The following AMOTL1 variants were observed in gnomAD, a reference collection of about 807,000 sequenced individuals.
AMOTL1 encodes the protein angiomotin like 1, also known as angiomotin-like protein 1.
A neutral mutation model predicts 102.9 loss-of-function variants in AMOTL1; 45 were observed. That is an observed-to-expected ratio of 0.44 (90% confidence interval 0.34 to 0.56). The LOEUF is 0.56. Ranked by LOEUF, AMOTL1 falls within the 20% of genes least tolerant of loss-of-function variation. The pLI, the probability that AMOTL1 is intolerant of heterozygous loss-of-function variation, is 0.01. For synonymous variants in AMOTL1, 481 were observed against 484.7 expected, an observed-to-expected ratio of 0.99 and a Z score of 0.10; for missense variants, 1,114 against 1,225.6, an observed-to-expected ratio of 0.91 and a Z score of 1.36.
intron 3 of AMOTL1, among the ~76,000 whole-genome samples, chr11:94,746,172 G>T (rs540920909): frequency 1.3e-5 from 2 of 152,196 alleles, no homozygotes; most frequent in South Asian, 4.1e-4. Flanking sequence ...AGAAAGGGGT[G>T]TGTCTCTGGA....
intron 6 of AMOTL1, among the ~76,000 whole-genome samples, chr11:94,836,760 CTTT>C (rs200404531): frequency 7.8e-5 from 11 of 140,800 alleles, no homozygotes; most frequent in Admixed American, 1.4e-4. Context: ...TTCCTTCCTT[CTTT>C]TTTTTTTTTT....
intron 8 of AMOTL1, among the ~76,000 whole-genome samples, chr11:94,855,756 A>G (rs1211414439): frequency 6.6e-6 from 1 of 152,184 alleles, no homozygotes; most frequent in Non-Finnish European, 1.5e-5. Context: ...ATTGCCACAG[A>G]GGATAGTTGG....
At chr11:94,810,328 A>G (rs1358318482) in intron 3 of AMOTL1, among the ~76,000 whole-genome samples, 1 of 152,206 alleles carries the variant, frequency 6.6e-6, no homozygotes, top group Non-Finnish European at 1.5e-5. Context: ...GGCAGAGCCC[A>G]CACTGAATCC....
At chr11:94,746,562 C>T (rs992151585) in intron 3 of AMOTL1, among the ~76,000 whole-genome samples, 1 of 152,164 alleles carries the variant, frequency 6.6e-6, no homozygotes, top group African/African-American at 2.4e-5. Flanking sequence ...GCCCCTCTTC[C>T]CCCTTCTCCC....
intron 3 of AMOTL1, among the ~76,000 whole-genome samples, chr11:94,753,306 C>CA (rs1491229219): frequency 1.5e-4 from 16 of 108,328 alleles, no homozygotes; most frequent in Non-Finnish European, 2.1e-4. Flanking sequence ...TGCTTTCCTG[C>CA]TTTTTTTTTT....
rs1477831209 is a variant in AMOTL1 at position 94,854,062 on chromosome 11, G to T, written c.1924G>T (p.Asp642Tyr). Reference sequence around the variant, plus strand: ...GCGGACTTGGCTGGAGAGAGAGCTGGATGCACTGAGAACCCAGCAGGTAAG... The same window carrying T: ...GCGGACTTGGCTGGAGAGAGAGCTGTATGCACTGAGAACCCAGCAGGTAAG... ...RLRTWLEREL[D>Y]ALRTQQKHGN... The change falls in exon 8 of 13, where the codon GAT (aspartate) becomes TAT (tyrosine). Residue 642 changes from aspartate (D) to tyrosine (Y), a missense_variant. Transcript: ENST00000433060. The T allele has an allele frequency of 1.3e-6, 2 of 1,551,062 alleles. No homozygotes were observed. The highest frequency in any genetic ancestry group is 1.7e-6 in the Non-Finnish European group (2 of 1,145,876).
Position 94,831,278 on chromosome 11 carries a change from C to CT in AMOTL1, c.1559-170dup, listed in dbSNP as rs201438675. On this transcript the variant is annotated intron_variant, in intron 5 of 12. Transcript: ENST00000433060. ...AAAGACACAGTGTGGCATCTGAAGCCTTTTCTTTTGATATTTTGGGACATA... is the reference window on the plus strand; with the variant it reads ...AAAGACACAGTGTGGCATCTGAAGCCTTTTTCTTTTGATATTTTGGGACATA... Among the ~76,000 whole-genome samples, 1,457 of 152,290 alleles carry CT rather than the reference C, an allele frequency of 9.6e-3. 98 individuals are homozygous for CT. Among genetic ancestry groups the CT allele is most frequent in the Admixed American group, 0.088 (1,345 of 15,294 alleles).
At chr11:94,742,127 T>C (rs901391876) in intron 3 of AMOTL1, among the ~76,000 whole-genome samples, 5 of 152,238 alleles carry the variant, frequency 3.3e-5, no homozygotes, top group Admixed American at 3.3e-4. Context: ...AGAGGATGTG[T>C]TTCTGACAAG....
At chr11:94,811,573 G>A in intron 3 of AMOTL1, among the ~76,000 whole-genome samples, 1 of 151,322 alleles carries the variant, frequency 6.6e-6, no homozygotes, top group East Asian at 1.9e-4. Flanking sequence ...TCAGATGTGG[G>A]AATTTAGCCA....
At chr11:94,760,977 T>G (rs1331898861) in intron 3 of AMOTL1, among the ~76,000 whole-genome samples, 1 of 152,072 alleles carries the variant, frequency 6.6e-6, no homozygotes, top group Admixed American at 6.6e-5. Flanking sequence ...TCTGACTGTG[T>G]TGCTCAGGCT....
chr11:94,737,539 T>C, intron 2 of AMOTL1, among the ~76,000 whole-genome samples: 1 of 152,258 alleles, frequency 6.6e-6, no homozygotes, highest in East Asian at 1.9e-4. Flanking sequence ...ATTATCTCCA[T>C]GTTTACACAA....
chr11:94,824,066 T>C (rs569962745), intron 4 of AMOTL1, among the ~76,000 whole-genome samples: 1 of 152,296 alleles, frequency 6.6e-6, no homozygotes, highest in East Asian at 1.9e-4. Context: ...TTTTGAAAAC[T>C]AAAGTGGCTT....
intron 3 of AMOTL1, among the ~76,000 whole-genome samples, chr11:94,757,325 G>C (rs775114681): frequency 4.6e-5 from 7 of 152,044 alleles, no homozygotes; most frequent in African/African-American, 1.2e-4. Flanking sequence ...CCTGTGAGGT[G>C]GATACTATTG....
At chr11:94,731,557 A>G (rs1267296156) in intron 2 of AMOTL1, among the ~76,000 whole-genome samples, 1 of 152,244 alleles carries the variant, frequency 6.6e-6, no homozygotes, top group Non-Finnish European at 1.5e-5. Flanking sequence ...TAAGTCAGAA[A>G]TGGACGAATT....
intron 8 of AMOTL1, among the ~76,000 whole-genome samples, chr11:94,858,280 G>A (rs947249262): frequency 3.3e-5 from 5 of 152,150 alleles, no homozygotes; most frequent in African/African-American, 9.7e-5. Context: ...GGTGAGGACA[G>A]GTATGCCCTT....
chr11:94,805,238 GT>G (rs908096538), intron 3 of AMOTL1, among the ~76,000 whole-genome samples: 1 of 152,116 alleles, frequency 6.6e-6, no homozygotes, highest in South Asian at 2.1e-4. Flanking sequence ...CCCACCTTCT[GT>G]TTTTTTCAAC....
intron 3 of AMOTL1, among the ~76,000 whole-genome samples, chr11:94,763,052 C>T (rs531984936): frequency 1.2e-4 from 19 of 152,282 alleles, no homozygotes; most frequent in African/African-American, 4.3e-4. Flanking sequence ...CCTTGATAAG[C>T]TTCAAATGGA....
At position 94,777,686 on chromosome 11, in the gene AMOTL1, G is replaced by C. The variant is rs149978501; in HGVS notation, c.49+9126G>C. On this transcript the variant is annotated intron_variant, in intron 1 of 12. Transcript: ENST00000433060. ...AATTTAGTAATTTATTTAGGCAGTA[G>C]TCACAATTATGCTAATTGAATTTAC... Among the ~76,000 whole-genome samples, 702 of 152,244 alleles carry C rather than the reference G, an allele frequency of 4.6e-3. 9 individuals are homozygous for C. The highest frequency in any genetic ancestry group is 0.016 in the African/African-American group (654 of 41,550).
intron 3 of AMOTL1, among the ~76,000 whole-genome samples, chr11:94,807,766 A>C (rs546396830): frequency 3.7e-4 from 56 of 151,916 alleles, no homozygotes; most frequent in African/African-American, 1.3e-3. Flanking sequence ...GATTAGAAGC[A>C]GCTGGCTCTT....
Sources: allele counts gnomAD v4.1 joint callset (sites outside exome capture counted in the v4.1 genomes callset), GRCh38; gene constraint gnomAD v4.1.1; transcripts MANE v1.5; gene names NCBI Gene and HGNC (gene_info 2026-07-23, HGNC 2026-07-21).